Variants in CASR observed in about 807,000 individuals in gnomAD.
The protein encoded by CASR is extracellular calcium-sensing receptor.
A neutral mutation model predicts 69.1 loss-of-function variants in CASR; 23 were observed. The observed-to-expected ratio is 0.33, with a 90% confidence interval of 0.24 to 0.47. CASR has a LOEUF of 0.47. Ranked by LOEUF, CASR falls within the 20% of genes least tolerant of loss-of-function variation. CASR has a pLI of 1.00. For synonymous variants in CASR, 541 were observed against 544.7 expected, an observed-to-expected ratio of 0.99 and a Z score of 0.10; for missense variants, 924 against 1,356.1, an observed-to-expected ratio of 0.68 and a Z score of 5.00.
At chr3:122,211,833 A>G (rs1481235645) in intron 1 of CASR, among the ~76,000 whole-genome samples, 1 of 152,250 alleles carries the variant, frequency 6.6e-6, no homozygotes, top group African/African-American at 2.4e-5. Flanking sequence ...TGATCATTAG[A>G]GAAACACGAA....
In CASR at chr3:122,257,275, A is replaced by G. The variant is rs121909260; in HGVS notation, c.380A>G (p.Glu127Gly). ...QNKIDSLNLD[E>G]FCNCSEHIPS... The stretch of plus-strand genomic sequence containing the variant: ...AAAATTGATTCTTTGAACCTTGATG[A>G]GTTCTGCAACTGCTCAGAGCACATT... Residue 127 changes from glutamate to glycine, a missense_variant, in exon 3 of 7, where the codon GAG (glutamate) becomes GGG (glycine). Transcript: ENST00000639785. 6.2e-7 allele frequency: 1 copy of G among 1,614,114 alleles called. No homozygotes were observed. Among genetic ancestry groups the G allele is most frequent in the Non-Finnish European group, 8.5e-7 (1 of 1,179,956 alleles).
intron 1 of CASR, chr3:122,246,785 C>T (rs2074432163): frequency 6.6e-6 from 1 of 152,236 alleles, no homozygotes. Context: ...CACATGTCCC[C>T]AGTGGTCCTC....
chr3:122,192,351 C>G (rs2073847941), intron 1 of CASR, among the ~76,000 whole-genome samples: 1 of 152,106 alleles, frequency 6.6e-6, no homozygotes, highest in African/African-American at 2.4e-5. Flanking sequence ...TGTTATGTGG[C>G]TTAAATGGGT....
At chr3:122,242,901 G>A (rs765585101) in intron 1 of CASR, among the ~76,000 whole-genome samples, 1 of 152,172 alleles carries the variant, frequency 6.6e-6, no homozygotes, top group South Asian at 2.1e-4. Flanking sequence ...TTTGACAAAG[G>A]TGCCAAGAAC....
intron 1 of CASR, among the ~76,000 whole-genome samples, chr3:122,227,587 C>T (rs912783744): frequency 4.6e-5 from 7 of 152,208 alleles, no homozygotes; most frequent in African/African-American, 1.4e-4. Context: ...GCTGAGCGAA[C>T]AGGCTCTAGC....
chr3:122,207,326 C>T (rs1047175047), intron 1 of CASR, among the ~76,000 whole-genome samples: 6 of 152,104 alleles, frequency 3.9e-5, no homozygotes, highest in Non-Finnish European at 5.9e-5. Flanking sequence ...ATAGGCCTAA[C>T]TGACATTTAT....
At chr3:122,243,084 C>A (rs2173960) in intron 1 of CASR, among the ~76,000 whole-genome samples, 1 of 152,094 alleles carries the variant, frequency 6.6e-6, no homozygotes, top group African/African-American at 2.4e-5. Flanking sequence ...AACAAAAACA[C>A]TGGGGAAGCT....
chr3:122,218,541 C>CAA lies in CASR; in HGVS notation c.-243+34747_-243+34748dup, dbSNP rs59428263. Among the ~76,000 whole-genome samples, 860 of 105,904 alleles carry CAA rather than the reference C, an allele frequency of 8.1e-3. 18 individuals carry two copies. Among genetic ancestry groups the CAA allele is most frequent in the Non-Finnish European group, 0.011 (618 of 54,648 alleles). The allele number at this position is 105,904 out of a possible 152,430, so 69.5% of individuals were successfully genotyped here. A position where few individuals can be genotyped will look rare whatever the true frequency, so the allele number is the denominator to read the frequency against. ...CTGGCAACAGAGCGAGACTCTGTCT[C>CAA]AAAAAAAAAAAAAAAAAAAGTTATT... On this transcript the variant is annotated intron_variant, in intron 1 of 6. Coordinates refer to ENST00000639785, the MANE Select transcript of CASR (RefSeq NM_000388.4).
In CASR at chr3:122,216,355, G is replaced by T. The variant is rs545677710; in HGVS notation, c.-243+32543G>T. Among the ~76,000 whole-genome samples the T allele has an allele frequency of 6.4e-4, 97 of 152,306 alleles. 1 individual carries two copies. The South Asian group carries it at 0.02, about 31-fold the overall frequency. ...GGGCAAGGGAAATCATAGAAGGCAG[G>T]CAGGACACAGTTTGAATCACTACCA... On this transcript the variant is annotated intron_variant, in intron 1 of 6. Coordinates refer to ENST00000639785, the MANE Select transcript of CASR (RefSeq NM_000388.4).
chr3:122,201,188 G>C (rs1422392641), intron 1 of CASR, among the ~76,000 whole-genome samples: 1 of 151,862 alleles, frequency 6.6e-6, no homozygotes, highest in Non-Finnish European at 1.5e-5. Context: ...TGAGATTAGG[G>C]AGTGGTGACG....
chr3:122,198,974 A>G (rs1315041039), intron 1 of CASR, among the ~76,000 whole-genome samples: 3 of 152,158 alleles, frequency 2.0e-5, no homozygotes, highest in African/African-American at 7.2e-5. Context: ...TCCTCCAGAG[A>G]AGTAATCATT....
chr3:122,220,200 C>T (rs2074156873), intron 1 of CASR, among the ~76,000 whole-genome samples: 1 of 152,176 alleles, frequency 6.6e-6, no homozygotes, highest in South Asian at 2.1e-4. Flanking sequence ...AAGGATGATC[C>T]ATTCTGGTGT....
chr3:122,200,650 C>T (rs1228709094), intron 1 of CASR, among the ~76,000 whole-genome samples: 7 of 152,100 alleles, frequency 4.6e-5, no homozygotes, highest in African/African-American at 1.7e-4. Context: ...GTCAGTGGAG[C>T]AGTTGGTATT....
chr3:122,270,109 T>C (rs1002133438), intron 4 of CASR, among the ~76,000 whole-genome samples: 3 of 152,158 alleles, frequency 2.0e-5, no homozygotes, highest in Admixed American at 6.5e-5. Flanking sequence ...CCCAAAGTGC[T>C]GGGATTACAG....
chr3:122,203,375 C>G (rs13078939), intron 1 of CASR, among the ~76,000 whole-genome samples: 29,807 of 152,072 alleles, frequency 0.2, 3,849 homozygotes, highest in Admixed American at 0.39. Flanking sequence ...CAGAGTACAC[C>G]TACCCAAACC....
At chr3:122,217,392 C>T (rs1331336496) in intron 1 of CASR, among the ~76,000 whole-genome samples, 4 of 152,072 alleles carry the variant, frequency 2.6e-5, no homozygotes, top group African/African-American at 4.8e-5. Flanking sequence ...TGAGCCACCA[C>T]GCCTGGCCAG....
At chr3:122,271,448 G>T (rs77722005) in intron 4 of CASR, among the ~76,000 whole-genome samples, 1 of 152,130 alleles carries the variant, frequency 6.6e-6, no homozygotes, top group Non-Finnish European at 1.5e-5. Context: ...AGTTGGACTT[G>T]CCATGTCTCA....
intron 1 of CASR, chr3:122,246,548 G>A (rs1040398799): frequency 6.6e-6 from 1 of 152,166 alleles, no homozygotes; most frequent in Non-Finnish European, 1.5e-5. Context: ...TTTTGGCCAG[G>A]TTTTCCAAAG....
At chr3:122,211,333 T>C (rs1255121679) in intron 1 of CASR, among the ~76,000 whole-genome samples, 2 of 152,210 alleles carry the variant, frequency 1.3e-5, no homozygotes, top group Admixed American at 6.5e-5. Flanking sequence ...TTTTGCAATC[T>C]ATCCATCTGA....
Sources: allele counts gnomAD v4.1 joint callset (sites outside exome capture counted in the v4.1 genomes callset), GRCh38; gene constraint gnomAD v4.1.1; transcripts MANE v1.5; gene names NCBI Gene and HGNC (gene_info 2026-07-23, HGNC 2026-07-21).